PARPBP: variants seen among roughly 807,000 people sequenced by gnomAD.
PARPBP encodes PARP1 binding protein.
A neutral mutation model predicts 50.0 loss-of-function variants in PARPBP; 52 were observed. That is an observed-to-expected ratio of 1.04 (90% CI 0.83 to 1.31). The LOEUF (loss-of-function observed/expected upper bound fraction) is 1.31, where lower values mean the gene tolerates loss of function less well. PARPBP is among the 50% of genes most tolerant of loss of function. The probability of loss-of-function intolerance (pLI) is 0.00; values close to 1 mark genes in which losing one functional copy is unlikely to be tolerated. For synonymous variants in PARPBP, 244 were observed against 232.1 expected (o/e 1.05, Z -0.47); for missense variants, 697 against 672.0 (o/e 1.04, Z -0.41).
At chr12:102,146,075 G>C (rs1054362246) in intron 2 of PARPBP, among the ~76,000 whole-genome samples, 1 of 151,984 alleles carries the variant, frequency 6.6e-6, no homozygotes, top group Non-Finnish European at 1.5e-5. Context: ...AGGATACAAA[G>C]AAATGGAAGA....
chr12:102,185,219 T>G (rs769721593), intron 9 of PARPBP, among the ~76,000 whole-genome samples: 3 of 152,186 alleles, frequency 2.0e-5, no homozygotes, highest in Admixed American at 1.3e-4. Context: ...ATGATGGTCT[T>G]TCAGAGGTTT....
intron 2 of PARPBP, among the ~76,000 whole-genome samples, chr12:102,136,929 T>C (rs1258282485): frequency 6.6e-6 from 1 of 151,920 alleles, no homozygotes; most frequent in Non-Finnish European, 1.5e-5. Context: ...TCTCTTTTGG[T>C]TTTTGTTTTG....
chr12:102,126,500 G>T (rs1311469155), intron 2 of PARPBP, among the ~76,000 whole-genome samples: 1 of 152,208 alleles, frequency 6.6e-6, no homozygotes, highest in Non-Finnish European at 1.5e-5. Flanking sequence ...AGTTGTAACA[G>T]ATGGGGCCGG....
chr12:102,146,029 A>G (rs1885295731), intron 2 of PARPBP, among the ~76,000 whole-genome samples: 1 of 152,190 alleles, frequency 6.6e-6, no homozygotes, highest in South Asian at 2.1e-4. Flanking sequence ...GACCTCTTCA[A>G]GGAGAACTAC....
At chr12:102,177,894 T>C (rs1227759387) in intron 7 of PARPBP, among the ~76,000 whole-genome samples, 2 of 152,224 alleles carry the variant, frequency 1.3e-5, no homozygotes, top group Non-Finnish European at 2.9e-5. Flanking sequence ...AGCACCATGC[T>C]CTCTTCTTCC....
intron 4 of PARPBP, among the ~76,000 whole-genome samples, chr12:102,155,915 G>A (rs947428092): frequency 2.0e-5 from 3 of 152,148 alleles, no homozygotes; most frequent in Admixed American, 6.5e-5. Flanking sequence ...TAAATGCCCA[G>A]GTTCATCCTA....
intron 7 of PARPBP, among the ~76,000 whole-genome samples, chr12:102,178,368 T>A (rs1889489556): frequency 6.6e-6 from 1 of 152,238 alleles, no homozygotes; most frequent in Non-Finnish European, 1.5e-5. Flanking sequence ...GAACCTAATG[T>A]CTTCTTTTGA....
At chr12:102,153,068 G>A (rs546964628) in intron 3 of PARPBP, among the ~76,000 whole-genome samples, 3 of 152,188 alleles carry the variant, frequency 2.0e-5, no homozygotes, top group East Asian at 3.9e-4. Context: ...AAAGCAGATA[G>A]CACCGTTATT....
intron 1 of PARPBP, chr12:102,120,543 G>A: frequency 2.2e-6 from 1 of 455,518 alleles, no homozygotes; most frequent in Non-Finnish European, 4.4e-6. Flanking sequence ...GTAGAGGCCT[G>A]CTTAACTTCC....
intron 2 of PARPBP, among the ~76,000 whole-genome samples, chr12:102,127,223 C>T (rs530837508): frequency 1.3e-4 from 19 of 151,940 alleles, no homozygotes; most frequent in Middle Eastern, 3.4e-3. Flanking sequence ...GGCGAAACCT[C>T]GTCTCTACAA....
At chr12:102,147,739 T>G (rs1885593332) in intron 2 of PARPBP, among the ~76,000 whole-genome samples, 1 of 151,944 alleles carries the variant, frequency 6.6e-6, no homozygotes, top group Admixed American at 6.6e-5. Flanking sequence ...AAAAAATTAA[T>G]CTTTATGACC....
intron 2 of PARPBP, among the ~76,000 whole-genome samples, chr12:102,147,227 A>T (rs1885491067): frequency 6.6e-6 from 1 of 152,198 alleles, no homozygotes; most frequent in Admixed American, 6.5e-5. Context: ...TATATACCCA[A>T]GGGACTATAA....
At chr12:102,128,812 C>G (rs1401637368) in intron 2 of PARPBP, among the ~76,000 whole-genome samples, 1 of 152,188 alleles carries the variant, frequency 6.6e-6, no homozygotes, top group Non-Finnish European at 1.5e-5. Context: ...CTCTTCACTA[C>G]TGATTTCATT....
intron 2 of PARPBP, among the ~76,000 whole-genome samples, chr12:102,146,079 T>A (rs1315657844): frequency 6.6e-6 from 1 of 152,100 alleles, no homozygotes; most frequent in Non-Finnish European, 1.5e-5. Flanking sequence ...TACAAAGAAA[T>A]GGAAGAACAT....
chr12:102,133,002 T>C (rs1051710134), intron 2 of PARPBP, among the ~76,000 whole-genome samples: 2 of 152,216 alleles, frequency 1.3e-5, no homozygotes, highest in African/African-American at 4.8e-5. Context: ...TTGATTTTTG[T>C]ATCTTGCCAC....
chr12:102,141,846 G>A (rs989282162), intron 2 of PARPBP, among the ~76,000 whole-genome samples: 12 of 152,272 alleles, frequency 7.9e-5, no homozygotes, highest in Non-Finnish European at 1.5e-4. Flanking sequence ...CGTTTCTGCC[G>A]AGAGATCTGC....
At chr12:102,134,543 T>C (rs1376219156) in intron 2 of PARPBP, among the ~76,000 whole-genome samples, 1 of 152,184 alleles carries the variant, frequency 6.6e-6, no homozygotes, top group Non-Finnish European at 1.5e-5. Context: ...CTAATACCAA[T>C]CCTTCTCAAA....
chr12:102,188,945 AGGG>A (rs1280497262), intron 9 of PARPBP, among the ~76,000 whole-genome samples: 3 of 152,176 alleles, frequency 2.0e-5, no homozygotes, highest in African/African-American at 7.2e-5. Flanking sequence ...AGCATTAGGT[AGGG>A]TAAGTGGACT....
intron 7 of PARPBP, 149 bp downstream of exon 7, chr12:102,175,815 G>T (rs1237135936): frequency 3.7e-6 from 2 of 541,560 alleles, no homozygotes; most frequent in African/African-American, 1.9e-5. Context: ...TTCTCAATAG[G>T]ATTATGTAGG....
Sources: gnomAD v4.1 joint callset for allele counts (sites outside exome capture counted in the v4.1 genomes callset) on GRCh38, gnomAD v4.1.1 for gene constraint, MANE v1.5 for transcripts, NCBI Gene and HGNC (gene_info 2026-07-23, HGNC 2026-07-21) for gene names.